Variants in ARL5A observed in about 807,000 individuals in gnomAD.
ARL5A encodes ARF like GTPase 5A.
A neutral mutation model predicts 25.9 loss-of-function variants in ARL5A; 18 were observed. The observed-to-expected ratio is 0.69, with a 90% confidence interval of 0.48 to 1.03. The LOEUF is 1.03. ARL5A is among the 50% of genes least tolerant of loss of function. ARL5A has a pLI of 0.00. For missense variants in ARL5A, 170 were observed against 211.9 expected (o/e 0.80, Z 1.23); for synonymous variants, 61 against 67.5 (o/e 0.90, Z 0.47).
rs1225044099 is a variant in ARL5A, at chr2:151,800,134, C to T, written c.*3142G>A. On this transcript the variant is annotated 3_prime_UTR_variant, in exon 6 of 6. Transcript: ENST00000295087. ...TACAAAGCAGAGCCTATTACACGTA[C>T]ATTCCCAAAAATGCCTCCAGAGAAA... The T allele has an allele frequency of 6.6e-6, 1 of 152,226 alleles. No individual in the cohort carries two copies. The highest frequency in any genetic ancestry group is 2.4e-5 in the African/African-American group (1 of 41,440). 9.4% of individuals were successfully genotyped at this position (152,226 alleles called of 1,614,324 possible).
At chr2:151,825,010 A>AC (rs2099832854) in intron 1 of ARL5A, among the ~76,000 whole-genome samples, 1 of 152,232 alleles carries the variant, frequency 6.6e-6, no homozygotes, top group African/African-American at 2.4e-5. Context: ...TGAACCTTGC[A>AC]CAAGTGTTAA....
At chr2:151,827,714 T>C (rs2151299124) in intron 1 of ARL5A, 1 of 174,110 alleles carries the variant, frequency 5.7e-6, no homozygotes, top group African/African-American at 2.4e-5. Flanking sequence ...AGTGGTGCGG[T>C]TAGGGCAGCA....
At chr2:151,817,766 C>A (rs1482128343) in intron 1 of ARL5A, among the ~76,000 whole-genome samples, 3 of 152,162 alleles carry the variant, frequency 2.0e-5, no homozygotes, top group African/African-American at 4.8e-5. Context: ...CTTTGGGAGG[C>A]TGAGGCCGTC....
rs1334667875 is a variant in ARL5A, at chr2:151,800,988, A to G, written c.*2288T>C. The G allele has an allele frequency of 6.6e-6, 1 of 152,624 alleles. No homozygotes were observed. The highest frequency in any genetic ancestry group is 2.4e-5 in the African/African-American group (1 of 41,450). The allele number at this position is 152,624 out of a possible 1,614,324, so 9.5% of individuals were successfully genotyped here. On this transcript the variant is annotated 3_prime_UTR_variant, in exon 6 of 6. Transcript: ENST00000295087. ...ATAAAAATTGCCAATATGACTTTTC[A>G]CCAGCTTCTCCATTTTATTTGAAAA...
chr2:151,821,612 C>G (rs2099832317), intron 1 of ARL5A, among the ~76,000 whole-genome samples: 1 of 152,052 alleles, frequency 6.6e-6, no homozygotes, highest in Non-Finnish European at 1.5e-5. Flanking sequence ...AATAAAGCAC[C>G]AATGACTTTT....
Position 151,814,307 on chromosome 2 carries a change from A to T in ARL5A, c.117T>A (p.Asn39Lys), listed in dbSNP as rs2099831213. 6.4e-7 allele frequency: 1 copy of T among 1,558,642 alleles called. No homozygotes were observed. The highest frequency in any genetic ancestry group is 1.4e-5 in the African/African-American group (1 of 71,642). Residue 39 changes from asparagine to lysine, a missense_variant, in exon 3 of 6, where the codon AAT becomes AAA. Transcript: ENST00000295087. ...KTTILYQFSMNEVVHTSPTIG... is the reference protein window; with the variant it reads ...KTTILYQFSMKEVVHTSPTIG... ...TTGTAGGAGATGTATGTACAACTTC[A>T]TTCATAGAACTGGGGAAAAAAGTTT...
intron 5 of ARL5A, among the ~76,000 whole-genome samples, chr2:151,805,197 A>G (rs9789671): frequency 0.69 from 104,886 of 151,822 alleles, 39,635 homozygotes; most frequent in Non-Finnish European, 0.84. Context: ...AATTGGTATT[A>G]TCTGTGATTT....
At chr2:151,826,739 GGT>G (rs2099833103) in intron 1 of ARL5A, among the ~76,000 whole-genome samples, 2 of 152,332 alleles carry the variant, frequency 1.3e-5, no homozygotes, top group South Asian at 4.1e-4. Flanking sequence ...TGGTGTTCTA[GGT>G]GAGAAAACCT....
chr2:151,815,311 G>T, intron 1 of ARL5A, 112 bp from the exon 2 acceptor site: 1 of 805,620 alleles, frequency 1.2e-6, no homozygotes, highest in Non-Finnish European at 2.0e-6. Context: ...ATAATTCAGT[G>T]CATGGCACTT....
At chr2:151,806,298 A>G (rs1042162056) in intron 5 of ARL5A, among the ~76,000 whole-genome samples, 4 of 152,106 alleles carry the variant, frequency 2.6e-5, no homozygotes, top group African/African-American at 9.7e-5. Flanking sequence ...AATTCCCCCA[A>G]TCCTTCTTTT....
Position 151,802,030 on chromosome 2 carries a change from T to TAA in ARL5A, c.*1244_*1245dup, listed in dbSNP as rs1559816436. 6.6e-6 allele frequency: 1 copy of TAA among 152,100 alleles called. No individual in the cohort carries two copies. The highest frequency in any genetic ancestry group is 1.5e-5 in the Non-Finnish European group (1 of 67,946). The allele number at this position is 152,100 out of a possible 1,614,324, so 9.4% of individuals were successfully genotyped here. A position where few individuals can be genotyped will look rare whatever the true frequency, so the allele number is the denominator to read the frequency against. On this transcript the variant is annotated 3_prime_UTR_variant, in exon 6 of 6. Coordinates refer to ENST00000295087, the MANE Select transcript of ARL5A (RefSeq NM_012097.4). ...ATAATACGTTGTATCAATCAATTTTTAAGCCAAATTCTTAAAATCATTCAA... is the reference window on the plus strand; with the variant it reads ...ATAATACGTTGTATCAATCAATTTTTAAAAGCCAAATTCTTAAAATCATTCAA...
intron 4 of ARL5A, among the ~76,000 whole-genome samples, chr2:151,808,242 G>A (rs2099830347): frequency 6.6e-6 from 1 of 152,138 alleles, no homozygotes; most frequent in African/African-American, 2.4e-5. Context: ...AGGTTTTGGT[G>A]CCACACTTGC....
Position 151,802,804 on chromosome 2 carries a change from T to C in ARL5A, c.*472A>G, listed in dbSNP as rs1017254134. 3.9e-5 allele frequency: 6 copies of C among 153,848 alleles called. No individual in the cohort carries two copies. Among genetic ancestry groups the C allele is most frequent in the Admixed American group, 1.9e-4 (3 of 15,406 alleles). The allele number at this position is 153,848 out of a possible 1,614,324, so 9.5% of individuals were successfully genotyped here. On this transcript the variant is annotated 3_prime_UTR_variant, in exon 6 of 6. Transcript: ENST00000295087. ...ATGCCATTAACTTGAACTTGAGGTA[T>C]ATACACAATACACACACAACCTTAA...
At chr2:151,811,809 C>T (rs181512074) in intron 4 of ARL5A, among the ~76,000 whole-genome samples, 5 of 152,200 alleles carry the variant, frequency 3.3e-5, no homozygotes, top group Admixed American at 1.3e-4. Context: ...TGGGCTCAAG[C>T]GATCCCCCCA....
intron 1 of ARL5A, among the ~76,000 whole-genome samples, chr2:151,825,035 C>T (rs2151298210): frequency 6.6e-6 from 1 of 152,286 alleles, no homozygotes; most frequent in Non-Finnish European, 1.5e-5. Context: ...TATTATTTTA[C>T]TTGTAGAGAC....
At chr2:151,819,387 G>C (rs2099831946) in intron 1 of ARL5A, among the ~76,000 whole-genome samples, 1 of 152,150 alleles carries the variant, frequency 6.6e-6, no homozygotes. Context: ...AGATGAACTT[G>C]ACTTTAAAGT....
At chr2:151,806,342 C>A (rs894890991) in intron 5 of ARL5A, among the ~76,000 whole-genome samples, 1 of 152,076 alleles carries the variant, frequency 6.6e-6, no homozygotes, top group East Asian at 1.9e-4. Context: ...GTAAATAAAC[C>A]CAAAGTAGTC....
At chr2:151,815,005 G>A (rs772754586) in intron 2 of ARL5A, 134 bp downstream of exon 2, 21 of 695,730 alleles carry the variant, frequency 3.0e-5, no homozygotes, top group Admixed American at 5.6e-5. Context: ...CTGGCTCCAG[G>A]TTTATAGCCA....
chr2:151,821,629 C>T (rs550632818), intron 1 of ARL5A, among the ~76,000 whole-genome samples: 3 of 152,292 alleles, frequency 2.0e-5, no homozygotes, highest in African/African-American at 7.2e-5. Flanking sequence ...TTTTTTGAGA[C>T]GCAGTCTCGC....
Sources: gnomAD v4.1 joint callset for allele counts (sites outside exome capture counted in the v4.1 genomes callset) on GRCh38, gnomAD v4.1.1 for gene constraint, MANE v1.5 for transcripts, NCBI Gene and HGNC (gene_info 2026-07-23, HGNC 2026-07-21) for gene names.